The following FSD1L variants were observed in gnomAD, a reference collection of about 807,000 sequenced individuals.
FSD1L encodes fibronectin type III and SPRY domain containing 1 like.
A neutral mutation model predicts 71.6 loss-of-function variants in FSD1L; 45 were observed. The observed-to-expected ratio is 0.63, with a 90% CI of 0.49 to 0.81. FSD1L has a LOEUF of 0.81. Among genes scored for constraint, FSD1L ranks in the 30% least tolerant of loss-of-function variants. FSD1L has a pLI of 0.00. For missense variants in FSD1L, 561 were observed against 618.1 expected (o/e 0.91, Z 0.98); for synonymous variants, 197 against 207.2 (o/e 0.95, Z 0.42).
intron 10 of FSD1L, chr9:105,523,959 G>A (rs1835343924): frequency 1.3e-6 from 2 of 1,591,060 alleles, no homozygotes; most frequent in Middle Eastern, 2.2e-4. Flanking sequence ...AGAAGCACAA[G>A]TTCTTCTGGG....
intron 10 of FSD1L, among the ~76,000 whole-genome samples, chr9:105,533,880 C>T (rs538992517): frequency 2.0e-5 from 3 of 152,090 alleles, no homozygotes; most frequent in South Asian, 2.1e-4. Flanking sequence ...TGTGCCACCA[C>T]GCCCTACTAA....
chr9:105,520,109 T>C lies in FSD1L; in HGVS notation c.1025+7173T>C, dbSNP rs931986683. The stretch of plus-strand genomic sequence containing the variant: ...CCGGCTGTGGCAGTGGCAGTGGCAG[T>C]GGCAGTGGCAGCGGCAGGATGTTCT... On this transcript the variant is annotated intron_variant, in intron 10 of 13. Transcript: ENST00000481272. The C allele has an allele frequency of 1.1e-5, 18 of 1,587,542 alleles. No individual in the cohort carries two copies. In the Admixed American group the frequency reaches 2.6e-4, roughly 23 times the overall value.
At chr9:105,510,624 GTTTAC>G (rs960835713) in intron 9 of FSD1L, among the ~76,000 whole-genome samples, 1 of 152,126 alleles carries the variant, frequency 6.6e-6, no homozygotes, top group African/African-American at 2.4e-5. Flanking sequence ...AGTGAACATT[GTTTAC>G]TTCTGCCCTC....
At chr9:105,452,664 TG>T (rs1564073287) in intron 1 of FSD1L, among the ~76,000 whole-genome samples, 2,748 of 131,306 alleles carry the variant, frequency 0.021, 49 homozygotes, top group Non-Finnish European at 0.029. Context: ...CCTGCCTGCC[TG>T]CCTGCCTTCC....
chr9:105,480,966 T>C (rs1174755778), intron 6 of FSD1L, among the ~76,000 whole-genome samples: 1 of 152,194 alleles, frequency 6.6e-6, no homozygotes, highest in Non-Finnish European at 1.5e-5. Context: ...ATCTTGTCTG[T>C]ATCCTTAAAC....
intron 3 of FSD1L, among the ~76,000 whole-genome samples, chr9:105,464,979 CAAAAA>C (rs1830961663): frequency 6.6e-6 from 1 of 151,688 alleles, no homozygotes; most frequent in Non-Finnish European, 1.5e-5. Flanking sequence ...GACTGCATCT[CAAAAA>C]GAAAAGAAAA....
chr9:105,488,937 T>A (rs1832734684), intron 7 of FSD1L, among the ~76,000 whole-genome samples: 1 of 151,994 alleles, frequency 6.6e-6, no homozygotes, highest in South Asian at 2.1e-4. Context: ...ATGGCAAATA[T>A]TATACTATGA....
At chr9:105,523,888 T>C in intron 10 of FSD1L, 2 of 1,592,488 alleles carry the variant, frequency 1.3e-6, no homozygotes, top group Non-Finnish European at 1.7e-6. Context: ...ATGCTTATTA[T>C]GGATTTTATT....
chr9:105,481,106 C>G (rs945161669), intron 6 of FSD1L, among the ~76,000 whole-genome samples: 1 of 139,406 alleles, frequency 7.2e-6, no homozygotes, highest in African/African-American at 2.7e-5. Context: ...TCATAAGTAT[C>G]CAGGTGATCT....
In FSD1L at chr9:105,499,443, C is replaced by G. The variant is rs147045903; in HGVS notation, c.587-6956C>G. On this transcript the variant is annotated intron_variant, in intron 7 of 13. Transcript: ENST00000481272. ...ACTTTTTAAAAACATTTCTTCATAG[C>G]ATGTCTATTGGCAACAGATTTCCTC... 5.6e-3 allele frequency among the ~76,000 whole-genome samples: 849 copies of G among 152,154 alleles called. 10 individuals carry two copies. The highest frequency in any genetic ancestry group is 0.02 in the African/African-American group (823 of 41,504).
intron 13 of FSD1L, among the ~76,000 whole-genome samples, chr9:105,544,615 G>A (rs1393129992): frequency 1.3e-5 from 2 of 152,078 alleles, no homozygotes; most frequent in Non-Finnish European, 2.9e-5. Context: ...AAGGTGTAAG[G>A]AAGGGATCCA....
At chr9:105,502,418 T>C (rs918603705) in intron 7 of FSD1L, among the ~76,000 whole-genome samples, 2 of 152,202 alleles carry the variant, frequency 1.3e-5, no homozygotes, top group African/African-American at 4.8e-5. Context: ...TACTCATACT[T>C]GGAGAATTTA....
At chr9:105,514,337 C>T (rs966207818) in intron 10 of FSD1L, among the ~76,000 whole-genome samples, 1 of 152,124 alleles carries the variant, frequency 6.6e-6, no homozygotes, top group African/African-American at 2.4e-5. Flanking sequence ...ATTATTTCTC[C>T]CTTCCTACTT....
At chr9:105,488,819 G>A (rs900173883) in intron 7 of FSD1L, among the ~76,000 whole-genome samples, 13 of 133,672 alleles carry the variant, frequency 9.7e-5, no homozygotes, top group African/African-American at 3.6e-4. Context: ...TTTACATTGG[G>A]TTTTTTTTTT....
intron 7 of FSD1L, among the ~76,000 whole-genome samples, chr9:105,485,489 T>C (rs1378151622): frequency 6.8e-6 from 1 of 147,674 alleles, no homozygotes; most frequent in Non-Finnish European, 1.5e-5. Flanking sequence ...ATGAGTTTGC[T>C]GGGGACAAGT....
rs555739846 is a variant in FSD1L, at chr9:105,483,149, A to G, written c.465-1232A>G. On this transcript the variant is annotated intron_variant, in intron 6 of 13. Coordinates refer to ENST00000481272, the MANE Select transcript of FSD1L (RefSeq NM_001145313.3). ...GGCATATAGTAAGCAGTCAGTGTGA[A>G]TTCCCTTTGCTGTAAATTATATTTC... is the stretch of plus-strand genomic sequence containing the variant. 1.1e-4 allele frequency among the ~76,000 whole-genome samples: 16 copies of G among 152,334 alleles called. No individual in the cohort carries two copies. The South Asian group carries it at 3.3e-3, about 32-fold the overall frequency.
intron 1 of FSD1L, among the ~76,000 whole-genome samples, 187 bp from the exon 2 acceptor site, chr9:105,461,333 A>G (rs1310832797): frequency 6.6e-6 from 1 of 152,166 alleles, no homozygotes; most frequent in Admixed American, 6.5e-5. Context: ...GTAAAATACA[A>G]ACTGAATTTT....
chr9:105,536,057 A>G (rs1243065391), intron 12 of FSD1L, among the ~76,000 whole-genome samples: 1 of 152,222 alleles, frequency 6.6e-6, no homozygotes, highest in East Asian at 1.9e-4. Context: ...CCAAAAAAGA[A>G]AAGAAATTAC....
In FSD1L at chr9:105,549,963, G is replaced by A. The variant is rs1199086516; in HGVS notation, c.*3480G>A. 4 of 151,708 alleles carry A rather than the reference G, an allele frequency of 2.6e-5. No homozygotes were observed. Among genetic ancestry groups the A allele is most frequent in the African/African-American group, 4.8e-5 (2 of 41,366 alleles). 9.4% of individuals were successfully genotyped at this position (151,708 alleles called of 1,614,324 possible). A position where few individuals can be genotyped will look rare whatever the true frequency, so the allele number is the denominator to read the frequency against. ...CTTACTGTAAAATATGTGATTCCAG[G>A]CTTAAGAAATTGATTATATTTTAAA... On this transcript the variant is annotated 3_prime_UTR_variant, in exon 14 of 14. Transcript: ENST00000481272.
Sources: gnomAD v4.1 joint callset for allele counts (sites outside exome capture counted in the v4.1 genomes callset) on GRCh38, gnomAD v4.1.1 for gene constraint, MANE v1.5 for transcripts, NCBI Gene and HGNC (gene_info 2026-07-23, HGNC 2026-07-21) for gene names.